CYB5R4: variants seen among roughly 807,000 people sequenced by gnomAD.
The protein encoded by CYB5R4 is cytochrome b5 reductase 4.
Under a neutral mutation model 70.2 loss-of-function variants are expected in CYB5R4, and 55 were observed. That is an observed-to-expected ratio of 0.78 (90% CI 0.63 to 0.98). CYB5R4 has a LOEUF of 0.98. CYB5R4 is among the 50% of genes least tolerant of loss of function. The pLI is 0.00. For missense variants in CYB5R4, 562 were observed against 612.6 expected, an observed-to-expected ratio of 0.92 and a Z score of 0.87; for synonymous variants, 197 against 199.5, an observed-to-expected ratio of 0.99 and a Z score of 0.11.
intron 10 of CYB5R4, among the ~76,000 whole-genome samples, chr6:83,931,150 A>G (rs1165011609): frequency 6.6e-6 from 1 of 152,200 alleles, no homozygotes; most frequent in Non-Finnish European, 1.5e-5. Context: ...TGCATCCACA[A>G]CTTGGCTATA....
Position 83,882,796 on chromosome 6 carries a change from G to A in CYB5R4, c.230-10726G>A, listed in dbSNP as rs986158565. Among the ~76,000 whole-genome samples, 5 of 152,194 alleles carry A rather than the reference G, an allele frequency of 3.3e-5. No individual in the cohort carries two copies. In the East Asian group the frequency reaches 9.7e-4, roughly 29 times the overall value. On this transcript the variant is annotated intron_variant, in intron 2 of 15. Transcript: ENST00000369681. ...AGATCAGGAGATCAAGACCATCCTGGCTAACATGGTGAAACCCTGTCTCTA... is the reference window on the plus strand; with the variant it reads ...AGATCAGGAGATCAAGACCATCCTGACTAACATGGTGAAACCCTGTCTCTA...
At position 83,898,872 on chromosome 6, in the gene CYB5R4, G is replaced by A. The variant is rs1313498868; in HGVS notation, c.330+5250G>A. Among the ~76,000 whole-genome samples the A allele has an allele frequency of 5.3e-5, 8 of 152,276 alleles. No homozygotes were observed. The East Asian group carries it at 9.7e-4, about 18-fold the overall frequency. ...GCTTAAGGAGATTTTGGGCTGAGAT[G>A]ATGGGGTATTCTAAATATACAATCA... On this transcript the variant is annotated intron_variant, in intron 3 of 15. Coordinates refer to ENST00000369681, the MANE Select transcript of CYB5R4 (RefSeq NM_016230.4).
intron 4 of CYB5R4, among the ~76,000 whole-genome samples, chr6:83,913,622 T>C (rs1199080120): frequency 6.6e-6 from 1 of 152,194 alleles, no homozygotes; most frequent in Non-Finnish European, 1.5e-5. Context: ...GGTGAAATAT[T>C]GGAACACAAA....
At chr6:83,943,878 A>G (rs577586968) in intron 14 of CYB5R4, among the ~76,000 whole-genome samples, 13 of 152,190 alleles carry the variant, frequency 8.5e-5, no homozygotes, top group African/African-American at 2.4e-4. Context: ...GACCAACTCA[A>G]TGAAATAAAG....
chr6:83,880,609 T>G (rs1032715157), intron 2 of CYB5R4, among the ~76,000 whole-genome samples: 1 of 152,232 alleles, frequency 6.6e-6, no homozygotes, highest in Admixed American at 6.5e-5. Flanking sequence ...TTATAATTTT[T>G]TTTTCAAAAC....
At chr6:83,895,037 C>G (rs2099461645) in intron 3 of CYB5R4, among the ~76,000 whole-genome samples, 1 of 152,144 alleles carries the variant, frequency 6.6e-6, no homozygotes, top group Non-Finnish European at 1.5e-5. Context: ...AATGTTCTTC[C>G]TGGGTTGGAG....
At chr6:83,894,090 C>T (rs1588566968) in intron 3 of CYB5R4, among the ~76,000 whole-genome samples, 1 of 152,012 alleles carries the variant, frequency 6.6e-6, no homozygotes, top group South Asian at 2.1e-4. Context: ...GAAAGTTAGC[C>T]GATGGTGATT....
intron 2 of CYB5R4, among the ~76,000 whole-genome samples, chr6:83,874,816 T>A (rs1681998661): frequency 6.6e-6 from 1 of 151,654 alleles, no homozygotes. Flanking sequence ...CTTTATTCTT[T>A]ATTTTTTTAT....
At chr6:83,880,254 A>G (rs554502441) in intron 2 of CYB5R4, among the ~76,000 whole-genome samples, 28 of 152,302 alleles carry the variant, frequency 1.8e-4, no homozygotes, top group African/African-American at 6.5e-4. Flanking sequence ...GGAACGTACA[A>G]TCTACTTCTT....
intron 10 of CYB5R4, among the ~76,000 whole-genome samples, chr6:83,927,341 C>A (rs933328073): frequency 6.6e-6 from 1 of 152,156 alleles, no homozygotes; most frequent in African/African-American, 2.4e-5. Flanking sequence ...TACAATTTAA[C>A]TCAAGTCTGA....
At chr6:83,914,830 C>T (rs543303147) in intron 5 of CYB5R4, among the ~76,000 whole-genome samples, 7 of 119,122 alleles carry the variant, frequency 5.9e-5, no homozygotes, top group East Asian at 2.6e-4. Context: ...CCACTGTGCC[C>T]GGCCTAGATT....
intron 10 of CYB5R4, among the ~76,000 whole-genome samples, chr6:83,928,553 T>A (rs1198377976): frequency 6.6e-6 from 1 of 151,936 alleles, no homozygotes; most frequent in Non-Finnish European, 1.5e-5. Context: ...GAGCTACAGA[T>A]CATTACTGGT....
At chr6:83,877,649 G>A (rs1048131796) in intron 2 of CYB5R4, among the ~76,000 whole-genome samples, 2 of 151,970 alleles carry the variant, frequency 1.3e-5, no homozygotes, top group Non-Finnish European at 2.9e-5. Flanking sequence ...GGGCATTAAT[G>A]TTTTCAAGAG....
chr6:83,876,083 A>G (rs2099458507), intron 2 of CYB5R4, among the ~76,000 whole-genome samples: 1 of 152,134 alleles, frequency 6.6e-6, no homozygotes, highest in Non-Finnish European at 1.5e-5. Context: ...GTGTTTCCAT[A>G]TTGTTGGCTC....
At position 83,882,599 on chromosome 6, in the gene CYB5R4, T is replaced by C. The variant is rs546478274; in HGVS notation, c.230-10923T>C. ...ATATACTCAAGAGAAAAGGCAGTTATTGGAGTCTGACTCTGAGATGATCCA... is the reference window on the plus strand; with the variant it reads ...ATATACTCAAGAGAAAAGGCAGTTACTGGAGTCTGACTCTGAGATGATCCA... On this transcript the variant is annotated intron_variant, in intron 2 of 15. Coordinates refer to ENST00000369681, the MANE Select transcript of CYB5R4 (RefSeq NM_016230.4). 2.0e-5 allele frequency among the ~76,000 whole-genome samples: 3 copies of C among 152,306 alleles called. No individual in the cohort carries two copies. The East Asian group carries it at 5.8e-4, about 29-fold the overall frequency.
chr6:83,871,609 A>G (rs1211858031), intron 2 of CYB5R4, among the ~76,000 whole-genome samples: 1 of 152,166 alleles, frequency 6.6e-6, no homozygotes, highest in Non-Finnish European at 1.5e-5. Flanking sequence ...TGCAGCCAAC[A>G]TTCTGAAATT....
chr6:83,888,631 T>G (rs1425623663), intron 2 of CYB5R4, among the ~76,000 whole-genome samples: 1 of 152,180 alleles, frequency 6.6e-6, no homozygotes, highest in Non-Finnish European at 1.5e-5. Flanking sequence ...CACCTTCTTC[T>G]TGGGCCACTC....
chr6:83,860,103 C>T (rs905587305), intron 1 of CYB5R4, among the ~76,000 whole-genome samples: 1 of 152,076 alleles, frequency 6.6e-6, no homozygotes, highest in African/African-American at 2.4e-5. Flanking sequence ...CGTTCCCTTC[C>T]TCCAAGTCCT....
At chr6:83,944,957 C>T (rs2129143964) in intron 14 of CYB5R4, among the ~76,000 whole-genome samples, 1 of 152,176 alleles carries the variant, frequency 6.6e-6, no homozygotes. Context: ...CGAAGAGACA[C>T]TTTCACACAA....
Sources: allele counts gnomAD v4.1 joint callset (sites outside exome capture counted in the v4.1 genomes callset), GRCh38; gene constraint gnomAD v4.1.1; transcripts MANE v1.5; gene names NCBI Gene and HGNC (gene_info 2026-07-23, HGNC 2026-07-21).